Variants in QTMAN observed in about 807,000 individuals in gnomAD.
QTMAN encodes the protein queuosine-tRNA mannosyltransferase, also known as tRNA-queuosine alpha-mannosyltransferase.
chr2:143,977,797 G>A, the QTMAN span, among the ~76,000 whole-genome samples: 1 of 152,130 alleles, frequency 6.6e-6, no homozygotes, highest in Non-Finnish European at 1.5e-5. Flanking sequence ...AGGGTTTCAT[G>A]CCATCTGCAC....
chr2:144,204,451 TCA>T, the QTMAN span, among the ~76,000 whole-genome samples: 1 of 152,158 alleles, frequency 6.6e-6, no homozygotes, highest in Admixed American at 6.5e-5. Flanking sequence ...AGATACCATC[TCA>T]CACCAGTTAG....
the QTMAN span, among the ~76,000 whole-genome samples, chr2:144,244,112 T>A: frequency 1.3e-5 from 2 of 152,206 alleles, no homozygotes; most frequent in Non-Finnish European, 2.9e-5. Flanking sequence ...TATATTCAAA[T>A]CATCACAAGT....
chr2:143,974,331 G>T, the QTMAN span, among the ~76,000 whole-genome samples: 2 of 152,094 alleles, frequency 1.3e-5, no homozygotes, highest in Non-Finnish European at 2.9e-5. Context: ...CCCAAGTATT[G>T]CAATTTAGGA....
the QTMAN span, among the ~76,000 whole-genome samples, chr2:144,125,817 C>T: frequency 6.6e-6 from 1 of 151,976 alleles, no homozygotes; most frequent in African/African-American, 2.4e-5. Flanking sequence ...TATTTATCAA[C>T]TATATGAATA....
At chr2:144,100,559 TATAC>T in the QTMAN span, among the ~76,000 whole-genome samples, 7 of 152,202 alleles carry the variant, frequency 4.6e-5, no homozygotes, top group Middle Eastern at 3.2e-3. Flanking sequence ...TTTTCTTCCT[TATAC>T]AGGAAGTTCC....
chr2:144,208,878 A>T, the QTMAN span: 2 of 767,360 alleles, frequency 2.6e-6, no homozygotes, highest in East Asian at 5.7e-5. Context: ...AATAAGTTCA[A>T]ATTTCATACT....
At chr2:144,080,878 C>A in the QTMAN span, among the ~76,000 whole-genome samples, 1 of 152,118 alleles carries the variant, frequency 6.6e-6, no homozygotes, top group Non-Finnish European at 1.5e-5. Flanking sequence ...AGCAGTATCA[C>A]CTCTTTTTCA....
At chr2:144,186,794 CA>C in the QTMAN span, among the ~76,000 whole-genome samples, 1 of 151,974 alleles carries the variant, frequency 6.6e-6, no homozygotes, top group Admixed American at 6.6e-5. Context: ...TCAAATTTGC[CA>C]CATTAGGTTC....
chr2:143,998,300 G>A, the QTMAN span, among the ~76,000 whole-genome samples: 1 of 152,048 alleles, frequency 6.6e-6, no homozygotes, highest in African/African-American at 2.4e-5. Context: ...GTATACATCT[G>A]AGTAAGAACA....
the QTMAN span, among the ~76,000 whole-genome samples, chr2:144,289,609 C>G: frequency 6.6e-6 from 1 of 151,986 alleles, no homozygotes; most frequent in African/African-American, 2.4e-5. Context: ...CTGTTTAACC[C>G]AAAAGTCAGC....
At chr2:144,168,737 T>C in the QTMAN span, among the ~76,000 whole-genome samples, 1 of 152,148 alleles carries the variant, frequency 6.6e-6, no homozygotes, top group Non-Finnish European at 1.5e-5. Flanking sequence ...TTTTTAGTTG[T>C]CTAAAATGAG....
the QTMAN span, among the ~76,000 whole-genome samples, chr2:144,089,281 A>C: frequency 7.9e-5 from 12 of 152,128 alleles, no homozygotes; most frequent in Admixed American, 7.9e-4. Context: ...TATTATTAAA[A>C]AGACAAAAAA....
At chr2:144,330,081 C>T in the QTMAN span, among the ~76,000 whole-genome samples, 1 of 152,248 alleles carries the variant, frequency 6.6e-6, no homozygotes, top group Non-Finnish European at 1.5e-5. Context: ...CTTTGAAATG[C>T]GAGATTGGGC....
the QTMAN span, among the ~76,000 whole-genome samples, chr2:144,217,793 G>A: frequency 1.3e-5 from 2 of 152,146 alleles, no homozygotes; most frequent in Non-Finnish European, 2.9e-5. Flanking sequence ...TAAAGGTTTG[G>A]AGTAGAAGGT....
chr2:144,129,455 T>C, the QTMAN span, among the ~76,000 whole-genome samples: 2 of 151,972 alleles, frequency 1.3e-5, no homozygotes, highest in African/African-American at 4.8e-5. Flanking sequence ...CCACTAATTA[T>C]AGGTAAATTT....
At chr2:144,113,217 G>A in the QTMAN span, among the ~76,000 whole-genome samples, 11 of 152,042 alleles carry the variant, frequency 7.2e-5, no homozygotes, top group African/African-American at 2.7e-4. Context: ...TCTGAAACAA[G>A]TGAAACAGAA....
At chr2:143,985,520 G>A in the QTMAN span, among the ~76,000 whole-genome samples, 1 of 152,170 alleles carries the variant, frequency 6.6e-6, no homozygotes, top group Non-Finnish European at 1.5e-5. Flanking sequence ...AGTGGCACTG[G>A]AAGTTGAATT....
At chr2:144,181,255 T>C in the QTMAN span, among the ~76,000 whole-genome samples, 4 of 152,248 alleles carry the variant, frequency 2.6e-5, no homozygotes, top group South Asian at 2.1e-4. Flanking sequence ...TCATGATCTA[T>C]GCACACAGTG....
chr2:144,174,314 A>G, the QTMAN span, among the ~76,000 whole-genome samples: 7 of 152,154 alleles, frequency 4.6e-5, no homozygotes, highest in African/African-American at 1.7e-4. Context: ...ACCAAGATCT[A>G]GAAACTATTT....
Sources: gnomAD v4.1 joint callset for allele counts (sites outside exome capture counted in the v4.1 genomes callset) on GRCh38, gnomAD v4.1.1 for gene constraint, MANE v1.5 for transcripts, NCBI Gene and HGNC (gene_info 2026-07-23, HGNC 2026-07-21) for gene names.